The following PTPRN2 variants were observed in gnomAD, a reference collection of about 807,000 sequenced individuals.
PTPRN2 encodes protein tyrosine phosphatase receptor type N2.
A neutral mutation model predicts 118.8 loss-of-function variants in PTPRN2; 74 were observed. That is an observed-to-expected ratio of 0.62 (90% CI 0.52 to 0.76). The LOEUF is 0.76. Among genes scored for constraint, PTPRN2 ranks in the 30% least tolerant of loss-of-function variants. The pLI, the probability that PTPRN2 is intolerant of heterozygous loss-of-function variation, is 0.00. For synonymous variants in PTPRN2, 641 were observed against 608.0 expected (o/e 1.05, Z -0.80); for missense variants, 1,481 against 1,394.4 (o/e 1.06, Z -0.99).
At chr7:158,213,250 GT>G (rs1370262820) in intron 3 of PTPRN2, among the ~76,000 whole-genome samples, 25 of 143,654 alleles carry the variant, frequency 1.7e-4, no homozygotes, top group African/African-American at 6.3e-4. Context: ...GTGTGTGTGT[GT>G]GGCGTAGGAA....
At chr7:157,943,086 C>G (rs150937849) in intron 11 of PTPRN2, among the ~76,000 whole-genome samples, 3 of 152,188 alleles carry the variant, frequency 2.0e-5, no homozygotes, top group Middle Eastern at 3.2e-3. Flanking sequence ...CCCCAGGAAG[C>G]CTTTGCATTC....
intron 9 of PTPRN2, among the ~76,000 whole-genome samples, chr7:158,128,946 A>AACACAC (rs113152022): frequency 7.3e-5 from 11 of 149,726 alleles, no homozygotes; most frequent in African/African-American, 2.7e-4. Context: ...CAGGCAACCA[A>AACACAC]ACACACACAC....
At chr7:158,158,099 A>G (rs1354864167) in intron 6 of PTPRN2, among the ~76,000 whole-genome samples, 1 of 152,030 alleles carries the variant, frequency 6.6e-6, no homozygotes, top group Non-Finnish European at 1.5e-5. Flanking sequence ...TTGGGTTTAG[A>G]GCACTGAGCA....
At chr7:157,876,328 G>A (rs944008756) in intron 12 of PTPRN2, among the ~76,000 whole-genome samples, 2 of 152,296 alleles carry the variant, frequency 1.3e-5, no homozygotes, top group South Asian at 2.1e-4. Context: ...TTCTGGAAGC[G>A]AATTCCCAGC....
intron 1 of PTPRN2, among the ~76,000 whole-genome samples, chr7:158,536,581 C>G (rs1411653299): frequency 6.7e-6 from 1 of 148,450 alleles, no homozygotes; most frequent in Non-Finnish European, 1.5e-5. Context: ...AGACGGGACT[C>G]AGGAAAACAC....
intron 11 of PTPRN2, among the ~76,000 whole-genome samples, chr7:157,988,692 A>G (rs1804008438): frequency 6.6e-6 from 1 of 152,204 alleles, no homozygotes; most frequent in South Asian, 2.1e-4. Context: ...AGAAATGCCC[A>G]TGACCCGGTC....
At chr7:157,582,469 T>TGGGATGGCTGCCACCGAAAAGAGG (rs1484931400) in intron 17 of PTPRN2, among the ~76,000 whole-genome samples, 9 of 152,230 alleles carry the variant, frequency 5.9e-5, no homozygotes, top group Non-Finnish European at 1.2e-4. Flanking sequence ...TCGTGCCTGT[T>TGGGATGGCTGCCACCGAAAAGAGG]GGGATGGCTG....
chr7:158,037,642 G>A (rs1808178346), intron 11 of PTPRN2, among the ~76,000 whole-genome samples: 2 of 152,214 alleles, frequency 1.3e-5, no homozygotes, highest in African/African-American at 4.8e-5. Context: ...GCAGTCAGTA[G>A]TTGACTGAAA....
chr7:158,241,996 T>G (rs950651763), intron 3 of PTPRN2, among the ~76,000 whole-genome samples: 1 of 152,166 alleles, frequency 6.6e-6, no homozygotes, highest in African/African-American at 2.4e-5. Context: ...CTAAACTAGC[T>G]TTGCTTTTGC....
In PTPRN2 at chr7:157,615,548, A is replaced by G. The variant is rs1052843641; in HGVS notation, c.2344+5814T>C. 3.2e-5 allele frequency: 15 copies of G among 471,118 alleles called. No individual in the cohort carries two copies. The highest frequency in any genetic ancestry group is 5.7e-5 in the Non-Finnish European group (13 of 227,078). 29.2% of individuals were successfully genotyped at this position (471,118 alleles called of 1,614,324 possible). On this transcript the variant is annotated intron_variant, in intron 15 of 22. Transcript: ENST00000389418. This position sits in a 1 kb window ranked among gnomAD's most constrained non-coding sequence, Gnocchi z 4.3. ...CCCATCGCAAGGCCGGGCCGTGGAA[A>G]CAATCTCAGCCCTGGAACCAGCGCC...
At chr7:157,725,675 C>T (rs1247352791) in intron 12 of PTPRN2, among the ~76,000 whole-genome samples, 1 of 122,030 alleles carries the variant, frequency 8.2e-6, no homozygotes, top group African/African-American at 3.4e-5. Flanking sequence ...GAGGAGTGAG[C>T]CAGACCCTCG....
intron 12 of PTPRN2, among the ~76,000 whole-genome samples, chr7:157,826,182 C>T (rs1159610901): frequency 2.0e-5 from 3 of 150,868 alleles, no homozygotes; most frequent in Non-Finnish European, 4.4e-5. Context: ...CATTTCCACG[C>T]GTGCTGTGCA....
At chr7:157,699,784 A>G (rs983442385) in intron 12 of PTPRN2, among the ~76,000 whole-genome samples, 3 of 152,190 alleles carry the variant, frequency 2.0e-5, no homozygotes, top group Admixed American at 6.5e-5. Context: ...GCTGTCACTG[A>G]GACGGAGCAT....
chr7:158,188,009 G>T (rs535297152), intron 5 of PTPRN2, among the ~76,000 whole-genome samples: 1 of 152,262 alleles, frequency 6.6e-6, no homozygotes, highest in African/African-American at 2.4e-5. Flanking sequence ...GATGGGGGCA[G>T]TGGTGGAAGA....
chr7:158,498,808 C>A (rs1385167906), intron 1 of PTPRN2, among the ~76,000 whole-genome samples: 1 of 152,196 alleles, frequency 6.6e-6, no homozygotes, highest in Non-Finnish European at 1.5e-5. Context: ...GAACTTCAAC[C>A]GGTAACTCTC....
chr7:158,294,665 T>A (rs1371171491), intron 3 of PTPRN2, among the ~76,000 whole-genome samples: 2 of 141,078 alleles, frequency 1.4e-5, no homozygotes, highest in Non-Finnish European at 3.1e-5. Context: ...GGGAGGAGTG[T>A]TCCCGGGGGA....
intron 11 of PTPRN2, among the ~76,000 whole-genome samples, chr7:158,038,569 A>G (rs1052959288): frequency 5.3e-5 from 8 of 151,948 alleles, no homozygotes; most frequent in African/African-American, 1.4e-4. Context: ...TTTATAACAT[A>G]TATAATGCAC....
chr7:157,904,708 G>A (rs766107939), intron 11 of PTPRN2, among the ~76,000 whole-genome samples: 21 of 152,354 alleles, frequency 1.4e-4, no homozygotes, highest in Non-Finnish European at 2.8e-4. Flanking sequence ...CGCTTTCAGC[G>A]ATGCCTGTCC....
chr7:158,201,391 C>T (rs865882987), intron 4 of PTPRN2, among the ~76,000 whole-genome samples: 1 of 152,086 alleles, frequency 6.6e-6, no homozygotes, highest in African/African-American at 2.4e-5. Context: ...CCCTATATAT[C>T]GTGACTGACT....
Sources: allele counts gnomAD v4.1 joint callset (sites outside exome capture counted in the v4.1 genomes callset), GRCh38; gene constraint gnomAD v4.1.1; non-coding constraint Gnocchi (gnomAD v3.1); transcripts MANE v1.5; gene names NCBI Gene and HGNC (gene_info 2026-07-23, HGNC 2026-07-21).